Variants in HACD2 observed in about 807,000 individuals in gnomAD.
HACD2 encodes 3-hydroxyacyl-CoA dehydratase 2, also known as very-long-chain (3R)-3-hydroxyacyl-CoA dehydratase 2.
A neutral mutation model predicts 31.0 loss-of-function variants in HACD2; 15 were observed. The ratio of observed to expected loss-of-function variants is 0.48; its 90% CI spans 0.32 to 0.75. The LOEUF (loss-of-function observed/expected upper bound fraction) is 0.75. HACD2 is among the 30% of genes least tolerant of loss of function. The pLI is 0.03. For synonymous variants in HACD2, 115 were observed against 122.2 expected, an observed-to-expected ratio of 0.94 and a Z score of 0.39; for missense variants, 283 against 313.0, an observed-to-expected ratio of 0.90 and a Z score of 0.72.
At position 123,515,138 on chromosome 3, in the gene HACD2, G is replaced by A. The variant is rs77789488; in HGVS notation, c.382-12457C>T. 0.024 allele frequency among the ~76,000 whole-genome samples: 3,662 copies of A among 152,248 alleles called. 360 individuals carry two copies. The East Asian group carries it at 0.3, about 13-fold the overall frequency. On this transcript the variant is annotated intron_variant, in intron 4 of 6. Transcript: ENST00000383657. Reference sequence around the variant, plus strand: ...CAGACCACCTCATGAAGGGAACCACGGGGCCTGGGAGACTGGCACAGCTCC... The same window carrying A: ...CAGACCACCTCATGAAGGGAACCACAGGGCCTGGGAGACTGGCACAGCTCC...
chr3:123,569,858 G>T (rs996394115), intron 2 of HACD2, among the ~76,000 whole-genome samples: 1 of 151,676 alleles, frequency 6.6e-6, no homozygotes, highest in Admixed American at 6.6e-5. Context: ...GCATAGTGGC[G>T]CATGCCTGTA....
At chr3:123,561,565 G>A (rs1464528410) in intron 3 of HACD2, among the ~76,000 whole-genome samples, 1 of 152,102 alleles carries the variant, frequency 6.6e-6, no homozygotes, top group African/African-American at 2.4e-5. Context: ...ATCTTACCAA[G>A]AGTATCTTCA....
chr3:123,536,339 A>C (rs995639603), intron 3 of HACD2, among the ~76,000 whole-genome samples: 16 of 152,236 alleles, frequency 1.1e-4, no homozygotes, highest in Middle Eastern at 3.2e-3. Flanking sequence ...GAATTTGGTA[A>C]TACCTCTATC....
In HACD2 at chr3:123,567,796, G is replaced by A. The variant is rs774473218; in HGVS notation, c.274-16C>T. The stretch of plus-strand genomic sequence containing the variant: ...AATGTAAAATCTAGAGGAAAAAAGG[G>A]GAAAAAAGAGGAGAATTAGTAAGAA... On this transcript the variant is annotated splice_polypyrimidine_tract_variant and intron_variant, in intron 2 of 6. Transcript: ENST00000383657. The A allele has an allele frequency of 2.1e-6, 3 of 1,462,324 alleles. No individual in the cohort carries two copies. In the East Asian group the frequency reaches 7.3e-5, roughly 36 times the overall value. The allele number at this position is 1,462,324 out of a possible 1,614,324, so 90.6% of individuals were successfully genotyped here. A position where few individuals can be genotyped will look rare whatever the true frequency, so the allele number is the denominator to read the frequency against.
chr3:123,523,886 C>T (rs2056248089), intron 4 of HACD2, among the ~76,000 whole-genome samples: 1 of 152,232 alleles, frequency 6.6e-6, no homozygotes, highest in Non-Finnish European at 1.5e-5. Context: ...AAACCAAAGT[C>T]AGTCTTGCTT....
intron 3 of HACD2, among the ~76,000 whole-genome samples, chr3:123,536,133 G>T (rs1283251052): frequency 6.6e-6 from 1 of 152,018 alleles, no homozygotes; most frequent in African/African-American, 2.4e-5. Flanking sequence ...TTATCCTGAA[G>T]ATCTTCCTAT....
intron 2 of HACD2, among the ~76,000 whole-genome samples, chr3:123,572,919 A>G (rs753069831): frequency 3.9e-5 from 6 of 152,122 alleles, no homozygotes; most frequent in African/African-American, 7.2e-5. Context: ...AAACCTGACT[A>G]GCCCACTCTG....
Position 123,500,662 on chromosome 3 carries a change from C to T in HACD2, c.535G>A (p.Gly179Arg), listed in dbSNP as rs1471598392. ...YTLFIVLYPMGVSGELLTIYA... is the reference protein window; with the variant it reads ...YTLFIVLYPMRVSGELLTIYA... ...ATTGTGAGCAGTTCTCCTGACACTC[C>T]CATTGGGTACAGCACAATGAAAAGT... The change falls in exon 6 of 7, where the codon GGA becomes AGA. Residue 179 changes from glycine to arginine, a missense_variant. Gly to Arg is a moderately radical substitution (Grantham distance 125). Around this residue, in one of 3 missense-constraint regions of HACD2, gnomAD observed 85 missense variants for 129.6 expected, o/e 0.66. Coordinates refer to ENST00000383657, the MANE Select transcript of HACD2 (RefSeq NM_198402.5). 6 of 1,612,044 alleles carry T rather than the reference C, an allele frequency of 3.7e-6. No individual in the cohort carries two copies. Among genetic ancestry groups the T allele is most frequent in the Non-Finnish European group, 5.1e-6 (6 of 1,179,372 alleles).
At chr3:123,567,831 T>G in intron 2 of HACD2, 51 bp from the exon 3 acceptor site, 1 of 1,238,878 alleles carries the variant, frequency 8.1e-7, no homozygotes, top group Admixed American at 2.5e-5. Flanking sequence ...ATCAAGATAT[T>G]AAAGTTTTAT....
At chr3:123,569,762 CG>C (rs1446563291) in intron 2 of HACD2, among the ~76,000 whole-genome samples, 1 of 151,918 alleles carries the variant, frequency 6.6e-6, no homozygotes, top group Non-Finnish European at 1.5e-5. Flanking sequence ...CCGAGGCAGG[CG>C]GATGACCTGA....
At chr3:123,564,325 T>C (rs1032652762) in intron 3 of HACD2, among the ~76,000 whole-genome samples, 7 of 152,276 alleles carry the variant, frequency 4.6e-5, no homozygotes, top group Admixed American at 4.6e-4. Context: ...ACAGAGGTTA[T>C]GTTCAGTCAG....
intron 3 of HACD2, among the ~76,000 whole-genome samples, chr3:123,551,739 A>T (rs1242823678): frequency 6.6e-6 from 1 of 152,214 alleles, no homozygotes; most frequent in Non-Finnish European, 1.5e-5. Context: ...CTATTTCTGG[A>T]AATTTATCTA....
At chr3:123,500,368 A>G in intron 6 of HACD2, 147 bp downstream of exon 6, 1 of 621,348 alleles carries the variant, frequency 1.6e-6, no homozygotes, top group Non-Finnish European at 2.8e-6. Flanking sequence ...ATTCCTTTTG[A>G]TAGTCAGCAT....
At position 123,494,049 on chromosome 3, in the gene HACD2, CT is replaced by C. The variant is rs1156688940; in HGVS notation, c.*838del. 1 of 152,246 alleles carries C rather than the reference CT, an allele frequency of 6.6e-6. No homozygotes were observed. The highest frequency in any genetic ancestry group is 1.5e-5 in the Non-Finnish European group (1 of 68,052). 9.4% of individuals were successfully genotyped at this position (152,246 alleles called of 1,614,324 possible). A position where few individuals can be genotyped will look rare whatever the true frequency, so the allele number is the denominator to read the frequency against. Reference sequence around the variant, plus strand: ...GCCATCAGTGCATCAGTGAGAATAGCTACTGGCAAACACGTTACTCAGAGGT... The same window carrying C: ...GCCATCAGTGCATCAGTGAGAATAGCACTGGCAAACACGTTACTCAGAGGT... On this transcript the variant is annotated 3_prime_UTR_variant, in exon 7 of 7. Coordinates refer to ENST00000383657, the MANE Select transcript of HACD2 (RefSeq NM_198402.5).
At chr3:123,574,523 A>G (rs2056887775) in intron 2 of HACD2, among the ~76,000 whole-genome samples, 1 of 152,218 alleles carries the variant, frequency 6.6e-6, no homozygotes, top group South Asian at 2.1e-4. Context: ...TAAAAAAATT[A>G]ACAGGATTTG....
In HACD2 at chr3:123,567,765, T is replaced by C. The variant is rs746115507; in HGVS notation, c.289A>G (p.Ile97Val). The C allele has an allele frequency of 1.8e-5, 27 of 1,496,928 alleles. No homozygotes were observed. The highest frequency in any genetic ancestry group is 2.4e-5 in the East Asian group (1 of 41,044). 92.7% of individuals were successfully genotyped at this position (1,496,928 alleles called of 1,614,324 possible). A position where few individuals can be genotyped will look rare whatever the true frequency, so the allele number is the denominator to read the frequency against. ...GALLEILHCA[I>V]GIVPSSVVLT... is the part of the protein sequence containing the mutation. ...AGGGGGGAATATCCATACTTACCTA[T>C]AGCACAATGTAAAATCTAGAGGAAA... The change falls in exon 3 of 7, where the codon ATA becomes GTA. Residue 97 changes from isoleucine to valine, a missense_variant. By Grantham distance (29) the Ile-to-Val change is conservative. This residue lies in a region of HACD2 where 158 missense variants were observed against 148.3 expected (regional missense o/e 1.07). Transcript: ENST00000383657.
At chr3:123,540,384 G>A (rs969052319) in intron 3 of HACD2, among the ~76,000 whole-genome samples, 1 of 152,166 alleles carries the variant, frequency 6.6e-6, no homozygotes, top group Non-Finnish European at 1.5e-5. Flanking sequence ...AACATTCAGA[G>A]CCTCCTCACT....
intron 2 of HACD2, among the ~76,000 whole-genome samples, chr3:123,581,660 C>A (rs2056967761): frequency 6.6e-6 from 1 of 152,194 alleles, no homozygotes. Context: ...CAGAAAATTC[C>A]TTTTTTGCTT....
At chr3:123,538,082 C>A (rs950050624) in intron 3 of HACD2, among the ~76,000 whole-genome samples, 2 of 152,104 alleles carry the variant, frequency 1.3e-5, no homozygotes, top group African/African-American at 4.8e-5. Context: ...ATTCAAACAC[C>A]ATGGGACTCA....
Sources: allele counts gnomAD v4.1 joint callset (sites outside exome capture counted in the v4.1 genomes callset), GRCh38; gene constraint gnomAD v4.1.1; regional missense constraint gnomAD v4.1.1; transcripts MANE v1.5; gene names NCBI Gene and HGNC (gene_info 2026-07-23, HGNC 2026-07-21).